TCF4: variants seen among roughly 807,000 people sequenced by gnomAD.
TCF4 encodes the protein SL3-3 enhancer factor 2.
TCF4 carries 3 observed loss-of-function variants against 82.1 expected under a neutral mutation model. The observed-to-expected ratio is 0.04, with a 90% CI of 0.02 to 0.09. The LOEUF (loss-of-function observed/expected upper bound fraction) is 0.09, where lower values mean the gene tolerates loss of function less well. Ranked by LOEUF, TCF4 falls within the 10% of genes least tolerant of loss-of-function variation. TCF4 has a pLI of 1.00. For synonymous variants in TCF4, 276 were observed against 309.6 expected (o/e 0.89, Z 1.14); for missense variants, 518 against 852.7 (o/e 0.61, Z 4.89).
chr18:55,578,610 G>C (rs960088845), intron 3 of TCF4, among the ~76,000 whole-genome samples: 2 of 151,998 alleles, frequency 1.3e-5, no homozygotes, highest in Admixed American at 6.6e-5. Context: ...AAATTACTTG[G>C]ATCAAAGAGA....
intron 3 of TCF4, chr18:55,495,860 T>A (rs903444343): frequency 6.6e-6 from 1 of 152,200 alleles, no homozygotes; most frequent in Non-Finnish European, 1.5e-5. Context: ...GTTCATTTTT[T>A]TAAATGTTGA....
At chr18:55,437,314 A>G (rs2095349981) in intron 5 of TCF4, among the ~76,000 whole-genome samples, 1 of 152,234 alleles carries the variant, frequency 6.6e-6, no homozygotes, top group Non-Finnish European at 1.5e-5. Flanking sequence ...TCACAACATT[A>G]TTATAGAAGC....
chr18:55,610,482 T>C (rs560075827), intron 2 of TCF4, among the ~76,000 whole-genome samples: 8 of 152,338 alleles, frequency 5.3e-5, no homozygotes, highest in African/African-American at 1.7e-4. Context: ...TGTCCAGCTC[T>C]GTTGGTGACT....
chr18:55,325,405 C>A (rs1333214407), intron 8 of TCF4, among the ~76,000 whole-genome samples: 1 of 152,166 alleles, frequency 6.6e-6, no homozygotes, highest in Non-Finnish European at 1.5e-5. Flanking sequence ...ATCCACTCGA[C>A]CACAGAGCTC....
rs563824587 is a variant in TCF4, at chr18:55,232,785, CT to C, written c.1487-115del. The C allele has an allele frequency of 3.2e-4, 429 of 1,357,858 alleles. 1 individual carries two copies. Among genetic ancestry groups the C allele is most frequent in the Admixed American group, 1.5e-3 (78 of 52,506 alleles). The allele number at this position is 1,357,858 out of a possible 1,614,324, so 84.1% of individuals were successfully genotyped here. On this transcript the variant is annotated intron_variant, in intron 16 of 19. Coordinates refer to ENST00000354452, the MANE Select transcript of TCF4 (RefSeq NM_001083962.2). ...CTGCTGAACTGTGATCCTTCTGTCA[CT>C]TTTTTTTCCCCCTGCTATCTGTTGA...
intron 8 of TCF4, among the ~76,000 whole-genome samples, chr18:55,343,136 C>A (rs2080380350): frequency 6.6e-6 from 1 of 151,998 alleles, no homozygotes; most frequent in Admixed American, 6.6e-5. Context: ...CGAATGACAC[C>A]AGTTTTCATG....
intron 5 of TCF4, chr18:55,422,630 GT>G (rs960002294): frequency 1.1e-5 from 3 of 280,010 alleles, no homozygotes; most frequent in Non-Finnish European, 1.6e-5. Context: ...GTGTGTGTGT[GT>G]TTTTTTCTTC....
At position 55,223,023 on chromosome 18, in the gene TCF4, A is replaced by G. The variant is rs2046075259; in HGVS notation, c.*5012T>C. 1 of 152,338 alleles carries G rather than the reference A, an allele frequency of 6.6e-6. No homozygotes were observed. Among genetic ancestry groups the G allele is most frequent in the Non-Finnish European group, 1.5e-5 (1 of 68,024 alleles). The allele number at this position is 152,338 out of a possible 1,614,324, so 9.4% of individuals were successfully genotyped here. On this transcript the variant is annotated 3_prime_UTR_variant, in exon 20 of 20. Coordinates refer to ENST00000354452, the MANE Select transcript of TCF4 (RefSeq NM_001083962.2). ...AGTGATACAAAATAAATCATCTTAG[A>G]TTTTTGACTGAAAAGATCTGAGAAT...
intron 6 of TCF4, among the ~76,000 whole-genome samples, chr18:55,370,452 G>GATAC (rs1262909093): frequency 2.0e-5 from 3 of 151,886 alleles, no homozygotes; most frequent in African/African-American, 7.3e-5. Flanking sequence ...TAGATAGATA[G>GATAC]ATAGATAGAT....
intron 3 of TCF4, among the ~76,000 whole-genome samples, chr18:55,466,686 G>C (rs1253746751): frequency 4.6e-5 from 7 of 152,126 alleles, no homozygotes; most frequent in African/African-American, 1.4e-4. Flanking sequence ...ACTTGAGCTG[G>C]AATGTACCAA....
chr18:55,484,435 C>A (rs1289663224), intron 3 of TCF4, among the ~76,000 whole-genome samples: 1 of 152,124 alleles, frequency 6.6e-6, no homozygotes, highest in Non-Finnish European at 1.5e-5. Flanking sequence ...TAAGCCATAC[C>A]TGAAAATTCT....
At chr18:55,635,245 A>G (rs992150453) in intron 1 of TCF4, among the ~76,000 whole-genome samples, 2 of 152,210 alleles carry the variant, frequency 1.3e-5, no homozygotes, top group South Asian at 4.1e-4. Flanking sequence ...GTGGTGGCTC[A>G]TGCCTGTAAT....
intron 5 of TCF4, among the ~76,000 whole-genome samples, chr18:55,446,015 A>G (rs1196449344): frequency 6.6e-6 from 1 of 152,178 alleles, no homozygotes; most frequent in African/African-American, 2.4e-5. Context: ...CTAGAGGTTT[A>G]GCCAATAAGT....
At chr18:55,521,476 G>A (rs959431963) in intron 3 of TCF4, among the ~76,000 whole-genome samples, 4 of 152,076 alleles carry the variant, frequency 2.6e-5, no homozygotes, top group Non-Finnish European at 4.4e-5. Context: ...ATCTCATAAT[G>A]CAAAACCTTC....
At chr18:55,245,114 C>T (rs1035165959) in intron 15 of TCF4, among the ~76,000 whole-genome samples, 2 of 152,158 alleles carry the variant, frequency 1.3e-5, no homozygotes, top group African/African-American at 4.8e-5. Flanking sequence ...AGGTAGAACC[C>T]TCGCATTACA....
intron 3 of TCF4, among the ~76,000 whole-genome samples, chr18:55,571,716 G>T (rs1327080930): frequency 6.6e-6 from 1 of 151,324 alleles, no homozygotes; most frequent in East Asian, 1.9e-4. Context: ...GGCCAGAGGG[G>T]AATGTGAATG....
At chr18:55,529,482 AATG>A (rs891667709) in intron 3 of TCF4, among the ~76,000 whole-genome samples, 1 of 152,214 alleles carries the variant, frequency 6.6e-6, no homozygotes, top group African/African-American at 2.4e-5. Flanking sequence ...TGTATGAACG[AATG>A]GGGTCTTAAC....
chr18:55,600,042 GAGA>G (rs2097695194), intron 2 of TCF4, among the ~76,000 whole-genome samples: 1 of 152,106 alleles, frequency 6.6e-6, no homozygotes, highest in Non-Finnish European at 1.5e-5. Flanking sequence ...TTGCCTGTAG[GAGA>G]AGGCTGTTTT....
intron 3 of TCF4, among the ~76,000 whole-genome samples, chr18:55,513,959 A>G (rs1317275801): frequency 1.3e-5 from 2 of 152,204 alleles, no homozygotes; most frequent in Non-Finnish European, 2.9e-5. Context: ...CCCTTTGTAT[A>G]GAGAAGCCTG....
Sources: allele counts gnomAD v4.1 joint callset (sites outside exome capture counted in the v4.1 genomes callset), GRCh38; gene constraint gnomAD v4.1.1; transcripts MANE v1.5; gene names NCBI Gene and HGNC (gene_info 2026-07-23, HGNC 2026-07-21).